TAFA1: variants seen among roughly 807,000 people sequenced by gnomAD.
TAFA1 encodes the protein TAFA chemokine like family member 1, also known as chemokine-like protein TAFA-1.
A neutral mutation model predicts 18.5 loss-of-function variants in TAFA1; 4 were observed. The observed-to-expected ratio is 0.22, with a 90% CI of 0.11 to 0.49. The LOEUF is 0.49. Ranked by LOEUF, TAFA1 falls within the 20% of genes least tolerant of loss-of-function variation. The probability of loss-of-function intolerance (pLI) is 0.98; values close to 1 mark genes in which losing one functional copy is unlikely to be tolerated. For missense variants in TAFA1, 147 were observed against 169.0 expected, an observed-to-expected ratio of 0.87 and a Z score of 0.72; for synonymous variants, 56 against 55.2, an observed-to-expected ratio of 1.01 and a Z score of -0.06.
At chr3:68,197,178 A>G (rs552643976) in intron 2 of TAFA1, among the ~76,000 whole-genome samples, 38 of 151,796 alleles carry the variant, frequency 2.5e-4, no homozygotes, top group Non-Finnish European at 5.0e-4. Flanking sequence ...GTAATTTACT[A>G]TGTTAAGTAT....
intron 2 of TAFA1, among the ~76,000 whole-genome samples, chr3:68,336,800 T>C (rs1216417011): frequency 6.6e-6 from 1 of 152,226 alleles, no homozygotes; most frequent in Non-Finnish European, 1.5e-5. Flanking sequence ...CTCAGCTCAG[T>C]GCATCCTCTG....
intron 2 of TAFA1, among the ~76,000 whole-genome samples, chr3:68,403,870 T>C (rs1231793498): frequency 6.6e-6 from 1 of 152,202 alleles, no homozygotes; most frequent in Admixed American, 6.5e-5. Context: ...GTCAAGTCTG[T>C]TAATACCCAG....
At chr3:68,066,388 GAAAT>G (rs2064678657) in intron 2 of TAFA1, among the ~76,000 whole-genome samples, 1 of 152,062 alleles carries the variant, frequency 6.6e-6, no homozygotes. Flanking sequence ...AAATATTTGG[GAAAT>G]AAATAAATGC....
At chr3:68,087,968 A>G (rs1389141852) in intron 2 of TAFA1, among the ~76,000 whole-genome samples, 1 of 152,212 alleles carries the variant, frequency 6.6e-6, no homozygotes, top group Non-Finnish European at 1.5e-5. Flanking sequence ...TTCTGGGACT[A>G]CAACCATGTT....
intron 2 of TAFA1, among the ~76,000 whole-genome samples, chr3:68,367,984 A>G (rs764446414): frequency 2.0e-5 from 3 of 152,202 alleles, no homozygotes; most frequent in Non-Finnish European, 4.4e-5. Context: ...TCAAATGCAA[A>G]CAGCTTATTT....
intron 2 of TAFA1, among the ~76,000 whole-genome samples, chr3:68,051,022 C>G (rs1487376058): frequency 1.2e-4 from 19 of 152,130 alleles, no homozygotes; most frequent in Admixed American, 1.2e-3. Flanking sequence ...CTATGTCAAC[C>G]TGCCTGGTAT....
chr3:68,302,239 C>A (rs1029986143), intron 2 of TAFA1, among the ~76,000 whole-genome samples: 1 of 152,150 alleles, frequency 6.6e-6, no homozygotes, highest in Non-Finnish European at 1.5e-5. Context: ...TATTTCCAGG[C>A]CAGTCCAGTG....
intron 2 of TAFA1, among the ~76,000 whole-genome samples, chr3:68,094,722 G>A (rs898397921): frequency 3.9e-5 from 6 of 152,042 alleles, no homozygotes; most frequent in Non-Finnish European, 4.4e-5. Context: ...ATTCTCAAGT[G>A]TAAAATAGAG....
At chr3:68,516,842 C>T (rs572294692) in intron 3 of TAFA1, among the ~76,000 whole-genome samples, 2 of 152,184 alleles carry the variant, frequency 1.3e-5, no homozygotes, top group Middle Eastern at 3.4e-3. Flanking sequence ...TGGAGCATCT[C>T]AGCTCTCTGC....
In TAFA1 at chr3:68,474,801, T is replaced by C. The variant is rs144447917; in HGVS notation, c.259+57381T>C. On this transcript the variant is annotated intron_variant, in intron 3 of 4. Coordinates refer to ENST00000478136, the MANE Select transcript of TAFA1 (RefSeq NM_213609.4). ...CAAATCATCACTAATATATGGTTTC[T>C]AGTACAGGAGGAAATATAGCACAAG... Among the ~76,000 whole-genome samples, 460 of 152,302 alleles carry C rather than the reference T, an allele frequency of 3.0e-3. 5 individuals are homozygous for C. Among genetic ancestry groups the C allele is most frequent in the African/African-American group, 0.011 (437 of 41,558 alleles).
intron 2 of TAFA1, among the ~76,000 whole-genome samples, chr3:68,397,969 A>C (rs2070416687): frequency 6.6e-6 from 1 of 152,170 alleles, no homozygotes; most frequent in Non-Finnish European, 1.5e-5. Context: ...GAATGGTATC[A>C]ATATCATGAA....
chr3:68,500,305 G>A (rs752068652), intron 3 of TAFA1, among the ~76,000 whole-genome samples: 2 of 152,096 alleles, frequency 1.3e-5, no homozygotes, highest in Admixed American at 6.6e-5. Context: ...GTCATGGGCC[G>A]ATACTTTTGT....
At chr3:68,025,157 C>T (rs990388235) in intron 2 of TAFA1, among the ~76,000 whole-genome samples, 5 of 152,296 alleles carry the variant, frequency 3.3e-5, no homozygotes, top group East Asian at 1.9e-4. Context: ...TTACTCACAT[C>T]GAAAACCTAG....
intron 3 of TAFA1, among the ~76,000 whole-genome samples, chr3:68,510,938 A>G (rs528017915): frequency 6.6e-6 from 1 of 152,296 alleles, no homozygotes; most frequent in African/African-American, 2.4e-5. Flanking sequence ...CTCTGATATA[A>G]ACCAGCTCAT....
At chr3:68,263,736 G>A (rs1391757552) in intron 2 of TAFA1, among the ~76,000 whole-genome samples, 1 of 151,964 alleles carries the variant, frequency 6.6e-6, no homozygotes, top group Admixed American at 6.6e-5. Flanking sequence ...TCTGTCTCAG[G>A]CCAGCACAGC....
intron 2 of TAFA1, among the ~76,000 whole-genome samples, chr3:68,360,330 T>C (rs2069446301): frequency 6.6e-6 from 1 of 152,000 alleles, no homozygotes; most frequent in South Asian, 2.1e-4. Flanking sequence ...TAGTAGAATA[T>C]AGGTGCTTAT....
At chr3:68,514,097 A>G (rs1403972792) in intron 3 of TAFA1, among the ~76,000 whole-genome samples, 6 of 152,140 alleles carry the variant, frequency 3.9e-5, no homozygotes, top group African/African-American at 1.4e-4. Context: ...GCTCTCTTTT[A>G]TAAGAGCACT....
chr3:68,360,475 G>C (rs898990704), intron 2 of TAFA1, among the ~76,000 whole-genome samples: 5 of 151,896 alleles, frequency 3.3e-5, no homozygotes, highest in South Asian at 2.1e-4. Context: ...CCGATATTTA[G>C]AGACAAAGGA....
At chr3:68,484,429 C>A (rs1156572692) in intron 3 of TAFA1, among the ~76,000 whole-genome samples, 3 of 152,006 alleles carry the variant, frequency 2.0e-5, no homozygotes, top group Non-Finnish European at 4.4e-5. Flanking sequence ...GTAAGAGTAG[C>A]AGAGAGGAAT....
Sources: allele counts gnomAD v4.1 joint callset (sites outside exome capture counted in the v4.1 genomes callset), GRCh38; gene constraint gnomAD v4.1.1; transcripts MANE v1.5; gene names NCBI Gene and HGNC (gene_info 2026-07-23, HGNC 2026-07-21).